The following PCDHGA6 variants were observed in gnomAD, a reference collection of about 807,000 sequenced individuals.
The protein encoded by PCDHGA6 is protocadherin gamma subfamily A, 6.
In PCDHGA6, 41 loss-of-function variants were observed where a neutral mutation model predicts 60.6. The observed-to-expected ratio is 0.68, with a 90% confidence interval of 0.53 to 0.88. The LOEUF (loss-of-function observed/expected upper bound fraction) is 0.88. PCDHGA6 is among the 40% of genes least tolerant of loss of function. The pLI is 0.00. For synonymous variants in PCDHGA6, 594 were observed against 524.4 expected, an observed-to-expected ratio of 1.13 and a Z score of -1.81; for missense variants, 1,312 against 1,203.0, an observed-to-expected ratio of 1.09 and a Z score of -1.34.
At chr5:141,399,825 C>G (rs1439243162) in intron 1 of PCDHGA6, 14 of 1,613,060 alleles carry the variant, frequency 8.7e-6, no homozygotes, top group Non-Finnish European at 1.2e-5. Context: ...TGGGTCCCGA[C>G]GGCTCTGCGC....
At chr5:141,384,435 A>G in intron 1 of PCDHGA6, 1 of 1,614,008 alleles carries the variant, frequency 6.2e-7, no homozygotes, top group Non-Finnish European at 8.5e-7. Context: ...CTGACACTGG[A>G]GTCCTGTACG....
rs1452346510 is a variant in PCDHGA6, at chr5:141,375,470, GAAAACA to G, written c.1389_1394del (p.Glu463_Asn465delinsAsp). On this transcript the variant is annotated inframe_deletion, in exon 1 of 4. Transcript: ENST00000517434. ...TTCATCCTACTCAGTCTATGTCCTT[GAAAACA>G]ACCCCAGGGGTGCCTCCATCTTCTC... is the stretch of plus-strand genomic sequence containing the variant. 6.2e-7 allele frequency: 1 copy of G among 1,613,784 alleles called. No homozygotes were observed. Among genetic ancestry groups the G allele is most frequent in the Admixed American group, 1.7e-5 (1 of 60,002 alleles).
In PCDHGA6 at chr5:141,374,282, G is replaced by A. The variant is rs753347582; in HGVS notation, c.199G>A (p.Val67Ile). 7 of 1,613,854 alleles carry A rather than the reference G, an allele frequency of 4.3e-6. No individual in the cohort carries two copies. In the East Asian group the frequency reaches 8.9e-5, roughly 21 times the overall value. Residue 67 changes from valine to isoleucine, a missense_variant, in exon 1 of 4, where the codon GTC (valine) becomes ATC (isoleucine). By Grantham distance (29) the Val-to-Ile change is conservative (BLOSUM62 3). Transcript: ENST00000517434. ...GTTGGCGGAGCACGGAGTCCGCATC[G>A]TCTCCAGAGGTAGGATGCAGCTTTT... ...QELAEHGVRIVSRGRMQLFSL... is the reference protein window; with the variant it reads ...QELAEHGVRIISRGRMQLFSL...
At position 141,477,751 on chromosome 5, in the gene PCDHGA6, G is replaced by T; in HGVS notation, c.2425-17056G>T. 1.2e-6 allele frequency: 2 copies of T among 1,613,830 alleles called. No homozygotes were observed. Among genetic ancestry groups the T allele is most frequent in the Non-Finnish European group, 1.7e-6 (2 of 1,180,022 alleles). On this transcript the variant is annotated intron_variant, in intron 1 of 3. Coordinates refer to ENST00000517434, the MANE Select transcript of PCDHGA6 (RefSeq NM_018919.3). This position sits in a 1 kb window ranked among gnomAD's most constrained non-coding sequence, Gnocchi z 4.9. ...CTCATATCAGCGATGGGGGCACCCC[G>T]GTCCTAGCCACCAACATCAGCGTGA...
intron 1 of PCDHGA6, chr5:141,403,871 C>T: frequency 1.2e-6 from 2 of 1,613,602 alleles, no homozygotes; most frequent in Admixed American, 1.7e-5. Flanking sequence ...AGCAAAAAGT[C>T]TAGATTATGA....
Position 141,375,687 on chromosome 5 carries a change from G to A in PCDHGA6, c.1604G>A (p.Ser535Asn), listed in dbSNP as rs1588775167. The A allele has an allele frequency of 6.2e-7, 1 of 1,614,258 alleles. No individual in the cohort carries two copies. The change falls in exon 1 of 4, where the codon AGC becomes AAC. Residue 535 changes from serine to asparagine, a missense_variant. Coordinates refer to ENST00000517434, the MANE Select transcript of PCDHGA6 (RefSeq NM_018919.3). Reference sequence around the variant, plus strand: ...GACCTACAGCTGTGGGTGACAGCCAGCGACAGCGGGGACCCGCCTCTTAGC... The same window carrying A: ...GACCTACAGCTGTGGGTGACAGCCAACGACAGCGGGGACCCGCCTCTTAGC... ...LRDLQLWVTA[S>N]DSGDPPLSSN...
intron 1 of PCDHGA6, chr5:141,430,546 G>A (rs1323295073): frequency 2.5e-6 from 1 of 402,156 alleles, no homozygotes; most frequent in Non-Finnish European, 4.4e-6. Context: ...GAGCGCCGCT[G>A]TTCACCAATC....
At chr5:141,408,342 TG>T in intron 1 of PCDHGA6, 1 of 1,613,856 alleles carries the variant, frequency 6.2e-7, no homozygotes, top group Non-Finnish European at 8.5e-7. Context: ...GGCTCGGTGG[TG>T]GGGAACCTCG....
intron 1 of PCDHGA6, among the ~76,000 whole-genome samples, chr5:141,455,419 G>A (rs1462099602): frequency 6.6e-6 from 1 of 152,124 alleles, no homozygotes; most frequent in Non-Finnish European, 1.5e-5. Context: ...AGGGAGCGGG[G>A]CTCCAAAAGA....
chr5:141,509,199 GTCTC>G (rs1017134758), intron 3 of PCDHGA6, among the ~76,000 whole-genome samples: 4 of 152,070 alleles, frequency 2.6e-5, no homozygotes, highest in Admixed American at 2.0e-4. Context: ...AATATTTCCT[GTCTC>G]TCTATTTCTC....
Position 141,489,992 on chromosome 5 carries a change from TC to T in PCDHGA6, c.2425-4812del. The T allele has an allele frequency of 6.2e-7, 1 of 1,614,216 alleles. No individual in the cohort carries two copies. The highest frequency in any genetic ancestry group is 8.5e-7 in the Non-Finnish European group (1 of 1,180,016). On this transcript the variant is annotated intron_variant, in intron 1 of 3. Coordinates refer to ENST00000517434, the MANE Select transcript of PCDHGA6 (RefSeq NM_018919.3). The surrounding 1 kb of genome is among the most constrained non-coding windows in gnomAD (Gnocchi z 4.5). The stretch of plus-strand genomic sequence containing the variant: ...CAATCCTCAGTTCTACGTGTGGGAA[TC>T]CCAGAGAATGCACCCATTGGTACTC...
chr5:141,482,248 C>G (rs1056466272), intron 1 of PCDHGA6, among the ~76,000 whole-genome samples: 1 of 152,084 alleles, frequency 6.6e-6, no homozygotes, highest in African/African-American at 2.4e-5. Context: ...AAGTATAGTA[C>G]TGTACATATT....
At chr5:141,455,160 G>T (rs6875366) in intron 1 of PCDHGA6, among the ~76,000 whole-genome samples, 16,301 of 149,190 alleles carry the variant, frequency 0.11, 1,328 homozygotes, top group African/African-American at 0.23. Context: ...TAGTTTGTTG[G>T]TTTTTTTTTT....
chr5:141,383,287 G>A (rs753501762), intron 1 of PCDHGA6: 2 of 1,613,798 alleles, frequency 1.2e-6, no homozygotes, highest in South Asian at 2.2e-5. Context: ...TAATGACAAC[G>A]TTCCAAGATT....
chr5:141,376,373 C>G lies in PCDHGA6; in HGVS notation c.2290C>G (p.Arg764Gly), dbSNP rs368702591. 2 of 1,614,192 alleles carry G rather than the reference C, an allele frequency of 1.2e-6. No homozygotes were observed. Among genetic ancestry groups the G allele is most frequent in the Non-Finnish European group, 1.7e-6 (2 of 1,180,036 alleles). Residue 764 changes from arginine to glycine, a missense_variant, in exon 1 of 4, where the codon CGT (arginine) becomes GGT (glycine). Arg to Gly is a moderately radical substitution (Grantham distance 125). Coordinates refer to ENST00000517434, the MANE Select transcript of PCDHGA6 (RefSeq NM_018919.3). Reference protein sequence around the residue: ...SHEVSLTADSRKSHLIFPQPN... With the variant: ...SHEVSLTADSGKSHLIFPQPN... ...CGAGGTCTCACTCACTGCAGACTCG[C>G]GTAAGAGTCATCTGATTTTCCCCCA...
intron 1 of PCDHGA6, among the ~76,000 whole-genome samples, chr5:141,466,884 T>G (rs901947336): frequency 2.6e-5 from 4 of 152,212 alleles, no homozygotes; most frequent in Admixed American, 1.3e-4. Flanking sequence ...TTTCATAATA[T>G]GCATTTTCCA....
At chr5:141,400,232 C>CT (rs1207022796) in intron 1 of PCDHGA6, 6 of 1,613,914 alleles carry the variant, frequency 3.7e-6, no homozygotes, top group African/African-American at 1.3e-5. Context: ...TTCCTCCTGG[C>CT]CGTGATTCTG....
At position 141,458,567 on chromosome 5, in the gene PCDHGA6, T is replaced by TTTTG. The variant is rs144471304; in HGVS notation, c.2425-36224_2425-36221dup. Among the ~76,000 whole-genome samples the TTTTG allele has an allele frequency of 8.6e-5, 13 of 151,610 alleles. No individual in the cohort carries two copies. The East Asian group carries it at 1.5e-3, about 18-fold the overall frequency. On this transcript the variant is annotated intron_variant, in intron 1 of 3. Coordinates refer to ENST00000517434, the MANE Select transcript of PCDHGA6 (RefSeq NM_018919.3). ...TTGTTTGTTTGTTTTGGTTTTGGGT[T>TTTTG]TTTGTTTGTTTGTTTGTTTTGGAGA...
rs767197233 is a variant in PCDHGA6, at chr5:141,418,642, C to T, written c.2424+42135C>T. On this transcript the variant is annotated intron_variant, in intron 1 of 3. Coordinates refer to ENST00000517434, the MANE Select transcript of PCDHGA6 (RefSeq NM_018919.3). ...AAGACGTGCCTCCAGGCACCTCCAT[C>T]CTGAGAGTGAAGGCCACTGACCAGG... The T allele has an allele frequency of 2.3e-5, 37 of 1,614,028 alleles. No individual in the cohort carries two copies. In the South Asian group the frequency reaches 3.6e-4, roughly 16 times the overall value.
Sources: gnomAD v4.1 joint callset for allele counts (sites outside exome capture counted in the v4.1 genomes callset) on GRCh38, gnomAD v4.1.1 for gene constraint, Gnocchi (gnomAD v3.1) non-coding constraint, MANE v1.5 for transcripts, NCBI Gene and HGNC (gene_info 2026-07-23, HGNC 2026-07-21) for gene names.